Variants in HCRTR2 observed in about 807,000 individuals in gnomAD.
HCRTR2 encodes the protein hypocretin receptor 2.
In HCRTR2, 22 loss-of-function variants were observed where a neutral mutation model predicts 49.0. The ratio of observed to expected loss-of-function variants is 0.45; its 90% CI spans 0.32 to 0.64. The LOEUF (loss-of-function observed/expected upper bound fraction) is 0.64. HCRTR2 is among the 30% of genes least tolerant of loss of function. The pLI, the probability that HCRTR2 is intolerant of heterozygous loss-of-function variation, is 0.04. For missense variants in HCRTR2, 491 were observed against 559.4 expected, an observed-to-expected ratio of 0.88 and a Z score of 1.23; for synonymous variants, 236 against 205.3, an observed-to-expected ratio of 1.15 and a Z score of -1.28.
chr6:55,232,290 C>T lies in HCRTR2; in HGVS notation c.224-16349C>T, dbSNP rs1426634659. On this transcript the variant is annotated intron_variant, in intron 1 of 6. Coordinates refer to ENST00000370862, the MANE Select transcript of HCRTR2 (RefSeq NM_001384272.1). ...CTTTATATATTCACTTATTAAAATG[C>T]ACCACACAATTCCTAATTTATTGAG... is the stretch of plus-strand genomic sequence containing the variant. Among the ~76,000 whole-genome samples the T allele has an allele frequency of 2.6e-5, 4 of 152,110 alleles. No individual in the cohort carries two copies. The East Asian group carries it at 7.7e-4, about 29-fold the overall frequency.
intron 1 of HCRTR2, among the ~76,000 whole-genome samples, chr6:55,147,176 A>G (rs1189514358): frequency 6.6e-6 from 1 of 152,148 alleles, no homozygotes; most frequent in Non-Finnish European, 1.5e-5. Context: ...GTTATTATAA[A>G]TACAAAATAT....
intron 1 of HCRTR2, among the ~76,000 whole-genome samples, chr6:55,133,044 G>A (rs1325994709): frequency 6.6e-6 from 1 of 151,746 alleles, no homozygotes; most frequent in Admixed American, 6.6e-5. Context: ...TCCCTGAAAT[G>A]CTGATATCCA....
At chr6:55,174,419 C>A (rs1423564586), upstream of HCRTR2, 3 of 672,172 alleles carry the variant, frequency 4.5e-6, no homozygotes, top group Non-Finnish European at 8.1e-6. Context: ...GCAGAAGTTG[C>A]CCGGCAGAAG....
intron 1 of HCRTR2, among the ~76,000 whole-genome samples, chr6:55,190,749 A>G (rs1765301829): frequency 6.6e-6 from 1 of 152,204 alleles, no homozygotes; most frequent in African/African-American, 2.4e-5. Flanking sequence ...TACTTTGAAC[A>G]ATGCATTTAA....
chr6:55,236,583 T>C (rs1225026805), intron 1 of HCRTR2, among the ~76,000 whole-genome samples: 1 of 152,140 alleles, frequency 6.6e-6, no homozygotes, highest in African/African-American at 2.4e-5. Context: ...AAAGACTTTG[T>C]GCACTTACTC....
upstream of HCRTR2, among the ~76,000 whole-genome samples, chr6:55,170,734 T>TCCCCCCCCC (rs11432290): frequency 3.7e-5 from 4 of 107,272 alleles, no homozygotes; most frequent in Non-Finnish European, 5.5e-5. Context: ...CCCTCCCCCC[T>TCCCCCCCCC]CCCCCACCCC....
At chr6:55,237,628 A>C (rs896431640) in intron 1 of HCRTR2, among the ~76,000 whole-genome samples, 3 of 152,210 alleles carry the variant, frequency 2.0e-5, no homozygotes, top group Non-Finnish European at 4.4e-5. Flanking sequence ...GCTAAATGCC[A>C]GAGCATCTCC....
intron 1 of HCRTR2, among the ~76,000 whole-genome samples, chr6:55,192,413 G>GCGCACACACACACACACACA (rs139180472): frequency 7.8e-6 from 1 of 128,450 alleles, no homozygotes; most frequent in Admixed American, 8.6e-5. Flanking sequence ...GCGCGCGCGC[G>GCGCACACACACACACACACA]CACACACACA....
chr6:55,233,419 A>C (rs1463390970), intron 1 of HCRTR2, among the ~76,000 whole-genome samples: 1 of 152,166 alleles, frequency 6.6e-6, no homozygotes, highest in Non-Finnish European at 1.5e-5. Flanking sequence ...GGATCATTGT[A>C]CATTATTATC....
At chr6:55,113,548 A>C (rs576859803) in intron 1 of HCRTR2, among the ~76,000 whole-genome samples, 1 of 152,244 alleles carries the variant, frequency 6.6e-6, no homozygotes, top group South Asian at 2.1e-4. Context: ...ATCACTAATT[A>C]TCAGGAAAAT....
intron 3 of HCRTR2, among the ~76,000 whole-genome samples, chr6:55,258,784 G>A (rs1271752056): frequency 6.6e-6 from 1 of 152,108 alleles, no homozygotes; most frequent in African/African-American, 2.4e-5. Context: ...TGGGTGTGGT[G>A]GCTCAAGCCT....
At chr6:55,206,180 C>G (rs1017734628) in intron 1 of HCRTR2, among the ~76,000 whole-genome samples, 14 of 151,926 alleles carry the variant, frequency 9.2e-5, no homozygotes, top group Non-Finnish European at 1.5e-5. Flanking sequence ...ATTTTGGTAG[C>G]AGAAGGAACT....
chr6:55,149,626 C>A (rs1581795459), intron 1 of HCRTR2, among the ~76,000 whole-genome samples: 1 of 152,026 alleles, frequency 6.6e-6, no homozygotes, highest in African/African-American at 2.4e-5. Context: ...ATAAAGTTTG[C>A]AAGCCAGCAT....
At chr6:55,135,376 C>T (rs555139560) in intron 1 of HCRTR2, among the ~76,000 whole-genome samples, 4 of 152,106 alleles carry the variant, frequency 2.6e-5, no homozygotes, top group South Asian at 2.1e-4. Context: ...AATCTAAGGC[C>T]GGAAGATTCA....
chr6:55,234,793 T>C (rs918001666), intron 1 of HCRTR2, among the ~76,000 whole-genome samples: 1 of 152,156 alleles, frequency 6.6e-6, no homozygotes, highest in Non-Finnish European at 1.5e-5. Flanking sequence ...ACGGCAGTTA[T>C]GTAGTAATGG....
chr6:55,166,808 C>T (rs1419506153), intron 1 of HCRTR2, among the ~76,000 whole-genome samples: 1 of 152,058 alleles, frequency 6.6e-6, no homozygotes, highest in Non-Finnish European at 1.5e-5. Flanking sequence ...TCCAAATATT[C>T]ATCAACTGCT....
intron 1 of HCRTR2, among the ~76,000 whole-genome samples, chr6:55,158,826 T>C (rs1375386558): frequency 6.6e-6 from 1 of 152,130 alleles, no homozygotes; most frequent in African/African-American, 2.4e-5. Flanking sequence ...TAGATCAAAC[T>C]CCCATCTCCC....
chr6:55,262,776 A>G (rs1274288522), intron 3 of HCRTR2, among the ~76,000 whole-genome samples: 1 of 146,522 alleles, frequency 6.8e-6, no homozygotes, highest in Non-Finnish European at 1.5e-5. Flanking sequence ...ATATATATAT[A>G]TATATATATA....
intron 1 of HCRTR2, among the ~76,000 whole-genome samples, chr6:55,221,216 A>G (rs2127295814): frequency 6.6e-6 from 1 of 152,316 alleles, no homozygotes; most frequent in Non-Finnish European, 1.5e-5. Context: ...AACCATGGAT[A>G]CTTAGAAAAT....
Sources: gnomAD v4.1 joint callset for allele counts (sites outside exome capture counted in the v4.1 genomes callset) on GRCh38, gnomAD v4.1.1 for gene constraint, MANE v1.5 for transcripts, NCBI Gene and HGNC (gene_info 2026-07-23, HGNC 2026-07-21) for gene names.